The following ANO2 variants were observed in gnomAD, a reference collection of about 807,000 sequenced individuals.
ANO2 encodes the protein anoctamin-2.
Under a neutral mutation model 124.2 loss-of-function variants are expected in ANO2, and 101 were observed. That is an observed-to-expected ratio of 0.81 (90% confidence interval 0.69 to 0.96). ANO2 has a LOEUF of 0.96. Among genes scored for constraint, ANO2 ranks in the 40% least tolerant of loss-of-function variants. ANO2 has a pLI of 0.00. For missense variants in ANO2, 1,293 were observed against 1,274.5 expected, an observed-to-expected ratio of 1.01 and a Z score of -0.22; for synonymous variants, 486 against 482.5, an observed-to-expected ratio of 1.01 and a Z score of -0.09.
chr12:5,623,996 C>T (rs993908696), intron 16 of ANO2, among the ~76,000 whole-genome samples: 5 of 152,116 alleles, frequency 3.3e-5, no homozygotes, highest in Non-Finnish European at 5.9e-5. Flanking sequence ...AGGCAGCCAG[C>T]GCATGACCTG....
In ANO2 at chr12:5,941,313, A is replaced by G. The variant is rs149132831; in HGVS notation, c.22+3883T>C. Among the ~76,000 whole-genome samples the G allele has an allele frequency of 4.3e-3, 653 of 152,350 alleles. 2 individuals carry two copies. The highest frequency in any genetic ancestry group is 6.8e-3 in the Non-Finnish European group (460 of 68,024). On this transcript the variant is annotated intron_variant, in intron 1 of 24. Transcript: ENST00000682330. Reference sequence around the variant, plus strand: ...GGAATTCCTAGAATTAAAAATTACAATTATGGAAAAGAAAAATCCATTGGG... The same window carrying G: ...GGAATTCCTAGAATTAAAAATTACAGTTATGGAAAAGAAAAATCCATTGGG...
intron 1 of ANO2, among the ~76,000 whole-genome samples, chr12:5,930,205 G>A (rs1287448400): frequency 6.6e-6 from 1 of 152,092 alleles, no homozygotes; most frequent in East Asian, 1.9e-4. Context: ...ATTACCCAGG[G>A]TTTGATGGAA....
rs991289422 is a variant in ANO2, at chr12:5,697,877, T to C, written c.1545+34643A>G. On this transcript the variant is annotated intron_variant, in intron 14 of 24. Coordinates refer to ENST00000682330, the MANE Select transcript of ANO2 (RefSeq NM_001364791.2). The stretch of plus-strand genomic sequence containing the variant: ...TCATTGCTAGCACAGCAGTCTGAGA[T>C]TGAACTGCAAGGTGGCAGCAAGGCT... Among the ~76,000 whole-genome samples the C allele has an allele frequency of 2.0e-5, 3 of 152,150 alleles. No homozygotes were observed. In the South Asian group the frequency reaches 6.2e-4, roughly 32 times the overall value.
At chr12:5,860,069 C>T (rs1301602242) in intron 3 of ANO2, among the ~76,000 whole-genome samples, 2 of 152,144 alleles carry the variant, frequency 1.3e-5, no homozygotes, top group Non-Finnish European at 2.9e-5. Context: ...TCTCACCCTC[C>T]TCCCCAGGCT....
At chr12:5,613,019 A>G in intron 17 of ANO2, 61 bp from the exon 18 acceptor site, 2 of 1,535,108 alleles carry the variant, frequency 1.3e-6, no homozygotes, top group Non-Finnish European at 1.8e-6. Flanking sequence ...TGGCTCAAGG[A>G]CATGTCTTCT....
chr12:5,654,606 C>T (rs417642), intron 14 of ANO2, among the ~76,000 whole-genome samples: 59,396 of 151,598 alleles, frequency 0.39, 12,882 homozygotes, highest in African/African-American at 0.56. Flanking sequence ...ATCTGCATCA[C>T]TATCTTCCCC....
chr12:5,933,244 T>C (rs1942506003), intron 1 of ANO2, among the ~76,000 whole-genome samples: 1 of 152,220 alleles, frequency 6.6e-6, no homozygotes, highest in African/African-American at 2.4e-5. Flanking sequence ...CAGCCACACA[T>C]GCACAGAAAC....
intron 23 of ANO2, among the ~76,000 whole-genome samples, chr12:5,569,057 G>T (rs1462105857): frequency 1.3e-5 from 2 of 152,242 alleles, no homozygotes; most frequent in Admixed American, 1.3e-4. Context: ...GTAGATCACG[G>T]CTTCCAGTTC....
At position 5,658,522 on chromosome 12, in the gene ANO2, C is replaced by T. The variant is rs1947278797; in HGVS notation, c.1546-10721G>A. Among the ~76,000 whole-genome samples, 1 of 152,062 alleles carries T rather than the reference C, an allele frequency of 6.6e-6. No homozygotes were observed. The highest frequency in any genetic ancestry group is 6.6e-5 in the Admixed American group (1 of 15,266). Reference sequence around the variant, plus strand: ...GTATCAAAATCAATATAATCATCAACATCAATATCATCGTATCAAAATCAA... The same window carrying T: ...GTATCAAAATCAATATAATCATCAATATCAATATCATCGTATCAAAATCAA... On this transcript the variant is annotated intron_variant, in intron 14 of 24. Transcript: ENST00000682330. The surrounding 1 kb of genome is among the most constrained non-coding windows in gnomAD (Gnocchi z 4.3).
intron 17 of ANO2, among the ~76,000 whole-genome samples, chr12:5,613,984 G>C (rs1244878875): frequency 1.3e-5 from 2 of 152,166 alleles, no homozygotes; most frequent in Non-Finnish European, 2.9e-5. Flanking sequence ...TGAGAAGGGG[G>C]CTGTGGTTTG....
intron 14 of ANO2, among the ~76,000 whole-genome samples, chr12:5,713,510 G>A (rs1235527064): frequency 6.6e-6 from 1 of 152,098 alleles, no homozygotes; most frequent in Non-Finnish European, 1.5e-5. Flanking sequence ...GTGGCTAAGG[G>A]CAATGCTAAA....
chr12:5,741,343 C>T (rs949234321), intron 12 of ANO2, among the ~76,000 whole-genome samples: 2 of 152,194 alleles, frequency 1.3e-5, no homozygotes, highest in African/African-American at 4.8e-5. Context: ...CACTGATGTG[C>T]ATGTTTTCAT....
chr12:5,838,038 C>G (rs1422044289), intron 4 of ANO2, among the ~76,000 whole-genome samples: 2 of 152,146 alleles, frequency 1.3e-5, no homozygotes, highest in East Asian at 3.9e-4. Flanking sequence ...GATATCACCA[C>G]CGATCCCACA....
At chr12:5,571,859 G>A (rs1431881508) in intron 23 of ANO2, among the ~76,000 whole-genome samples, 2 of 152,184 alleles carry the variant, frequency 1.3e-5, no homozygotes, top group African/African-American at 4.8e-5. Context: ...ACAGCAGGCA[G>A]TGGATAGGAC....
chr12:5,589,564 G>A (rs1943293644), intron 20 of ANO2, among the ~76,000 whole-genome samples: 1 of 152,184 alleles, frequency 6.6e-6, no homozygotes, highest in African/African-American at 2.4e-5. Context: ...TACCCAATAT[G>A]TTTTTAGTGA....
chr12:5,836,540 T>C (rs548521880), intron 4 of ANO2, among the ~76,000 whole-genome samples: 1 of 152,282 alleles, frequency 6.6e-6, no homozygotes, highest in South Asian at 2.1e-4. Context: ...TCTTCTTGCC[T>C]CCTCATTAAA....
chr12:5,661,859 G>A lies in ANO2; in HGVS notation c.1546-14058C>T, dbSNP rs138804574. 2.3e-3 allele frequency among the ~76,000 whole-genome samples: 349 copies of A among 152,320 alleles called. 8 individuals carry two copies. In the East Asian group the frequency reaches 0.048, roughly 21 times the overall value. On this transcript the variant is annotated intron_variant, in intron 14 of 24. Transcript: ENST00000682330. ...CCTCGCTGTTTTTGCTCCAGGGCCT[G>A]TATTCCTGTGGCTTGTTCCTCTGTG...
At chr12:5,899,581 A>G (rs566744842) in intron 3 of ANO2, among the ~76,000 whole-genome samples, 2 of 152,364 alleles carry the variant, frequency 1.3e-5, no homozygotes, top group Admixed American at 1.3e-4. Flanking sequence ...GCATGGACTC[A>G]GGTGACCAAC....
chr12:5,784,005 C>T (rs1454608159), intron 10 of ANO2, among the ~76,000 whole-genome samples: 1 of 152,204 alleles, frequency 6.6e-6, no homozygotes, highest in African/African-American at 2.4e-5. Context: ...AGCTGAGTAG[C>T]CACAATCTCA....
Sources: allele counts gnomAD v4.1 joint callset (sites outside exome capture counted in the v4.1 genomes callset), GRCh38; gene constraint gnomAD v4.1.1; non-coding constraint Gnocchi (gnomAD v3.1); transcripts MANE v1.5; gene names NCBI Gene and HGNC (gene_info 2026-07-23, HGNC 2026-07-21).